GABRB1: variants seen among roughly 807,000 people sequenced by gnomAD.
GABRB1 encodes the protein gamma-aminobutyric acid receptor subunit beta-1.
Under a neutral mutation model 51.6 loss-of-function variants are expected in GABRB1, and 17 were observed. That is an observed-to-expected ratio of 0.33 (90% CI 0.23 to 0.49). The LOEUF is 0.49. GABRB1 is among the 20% of genes least tolerant of loss of function. The probability of loss-of-function intolerance (pLI) is 0.99; values close to 1 mark genes in which losing one functional copy is unlikely to be tolerated. For synonymous variants in GABRB1, 247 were observed against 218.9 expected (o/e 1.13, Z -1.14); for missense variants, 410 against 600.6 (o/e 0.68, Z 3.32).
At chr4:47,137,855 G>T (rs959545098) in intron 3 of GABRB1, among the ~76,000 whole-genome samples, 4 of 152,004 alleles carry the variant, frequency 2.6e-5, no homozygotes, top group Non-Finnish European at 5.9e-5. Flanking sequence ...AATTCAATTT[G>T]TTCCCATCCA....
At chr4:47,390,754 G>T (rs1245645595) in intron 5 of GABRB1, among the ~76,000 whole-genome samples, 3 of 152,204 alleles carry the variant, frequency 2.0e-5, no homozygotes, top group Non-Finnish European at 4.4e-5. Context: ...TGAGTAAATT[G>T]ATGTTCTCAC....
chr4:47,095,252 A>G (rs1166249431), intron 3 of GABRB1, among the ~76,000 whole-genome samples: 4 of 151,934 alleles, frequency 2.6e-5, no homozygotes, highest in Non-Finnish European at 5.9e-5. Flanking sequence ...CAAATGCAAT[A>G]GAGTTGCCAG....
intron 3 of GABRB1, among the ~76,000 whole-genome samples, chr4:47,080,309 AAAG>A (rs972264787): frequency 6.6e-6 from 1 of 151,746 alleles, no homozygotes; most frequent in African/African-American, 2.4e-5. Context: ...AAAAAAAAAA[AAAG>A]AAGTAGGGTC....
chr4:47,011,112 G>A, intron 1 of GABRB1, among the ~76,000 whole-genome samples: 1 of 152,162 alleles, frequency 6.6e-6, no homozygotes, highest in East Asian at 1.9e-4. Flanking sequence ...AGTTTCAATG[G>A]TAGATGAAAT....
chr4:47,141,250 G>A (rs542795853), intron 3 of GABRB1, among the ~76,000 whole-genome samples: 3 of 152,016 alleles, frequency 2.0e-5, no homozygotes, highest in South Asian at 2.1e-4. Flanking sequence ...ATTTCTCATC[G>A]TTGTTCCCGT....
chr4:47,166,689 T>G (rs757954685), intron 4 of GABRB1, among the ~76,000 whole-genome samples: 1 of 152,082 alleles, frequency 6.6e-6, no homozygotes, highest in Admixed American at 6.6e-5. Context: ...TAAGAGCCCT[T>G]AATCCCTACA....
At chr4:47,046,186 T>G (rs1726077123) in intron 3 of GABRB1, among the ~76,000 whole-genome samples, 1 of 152,108 alleles carries the variant, frequency 6.6e-6, no homozygotes, top group African/African-American at 2.4e-5. Context: ...TGTGGAACTG[T>G]GAGTCAATTA....
chr4:47,165,024 G>A (rs1718114297), intron 4 of GABRB1, among the ~76,000 whole-genome samples: 2 of 152,070 alleles, frequency 1.3e-5, no homozygotes, highest in South Asian at 4.1e-4. Context: ...GAACGTCCAT[G>A]ATGTGCCGTA....
intron 4 of GABRB1, among the ~76,000 whole-genome samples, chr4:47,216,571 T>C (rs1489144974): frequency 6.6e-6 from 1 of 151,896 alleles, no homozygotes; most frequent in African/African-American, 2.4e-5. Context: ...TGGTTCAGAT[T>C]AGTATATAGG....
chr4:47,361,518 G>A (rs1446552242), intron 5 of GABRB1, among the ~76,000 whole-genome samples: 1 of 152,054 alleles, frequency 6.6e-6, no homozygotes, highest in Non-Finnish European at 1.5e-5. Flanking sequence ...TTAGGCAAGA[G>A]GTAAAGTGAA....
chr4:47,250,703 T>A (rs1288252518), intron 4 of GABRB1, among the ~76,000 whole-genome samples: 1 of 152,226 alleles, frequency 6.6e-6, no homozygotes, highest in African/African-American at 2.4e-5. Context: ...AAACCTCGTC[T>A]TAGAGCTCTG....
chr4:47,295,694 A>G (rs1173579658), intron 4 of GABRB1, among the ~76,000 whole-genome samples: 1 of 152,232 alleles, frequency 6.6e-6, no homozygotes, highest in Non-Finnish European at 1.5e-5. Context: ...GCAGGATATT[A>G]TCCAGGAGAA....
rs540007687 is a variant in GABRB1, at chr4:47,108,958, G to A, written c.241-52291G>A. 5.3e-5 allele frequency among the ~76,000 whole-genome samples: 8 copies of A among 152,202 alleles called. No individual in the cohort carries two copies. The South Asian group carries it at 1.7e-3, about 32-fold the overall frequency. On this transcript the variant is annotated intron_variant, in intron 3 of 8. Coordinates refer to ENST00000295454, the MANE Select transcript of GABRB1 (RefSeq NM_000812.4). ...TTTTATAGAAAGTTTGCTTCCCGAG[G>A]TGAAGTGAGTGAGAGAATTACTTAT...
chr4:47,117,306 T>C (rs1440931367), intron 3 of GABRB1, among the ~76,000 whole-genome samples: 1 of 152,190 alleles, frequency 6.6e-6, no homozygotes, highest in African/African-American at 2.4e-5. Context: ...AAAATCCCTA[T>C]ATAATATGCA....
intron 7 of GABRB1, among the ~76,000 whole-genome samples, chr4:47,405,725 A>G (rs889999370): frequency 6.6e-6 from 1 of 152,162 alleles, no homozygotes; most frequent in East Asian, 1.9e-4. Flanking sequence ...ACTGTACAAC[A>G]CTATACAAAT....
chr4:47,117,926 A>G (rs1715578791), intron 3 of GABRB1, among the ~76,000 whole-genome samples: 1 of 152,188 alleles, frequency 6.6e-6, no homozygotes, highest in African/African-American at 2.4e-5. Context: ...GTCATTTGTT[A>G]CATAGGCTTT....
chr4:47,189,085 T>C lies in GABRB1; in HGVS notation c.461+27616T>C, dbSNP rs1320194666. ...AAAGGGCCACAAAGCAATAGGAGCC[T>C]AGGTCTTCCAAGGAAGATTAAGAAA... On this transcript the variant is annotated intron_variant, in intron 4 of 8. Transcript: ENST00000295454. 2.6e-5 allele frequency among the ~76,000 whole-genome samples: 4 copies of C among 151,956 alleles called. No homozygotes were observed. The East Asian group carries it at 7.7e-4, about 29-fold the overall frequency.
chr4:47,073,423 T>C (rs988871386), intron 3 of GABRB1, among the ~76,000 whole-genome samples: 2 of 152,218 alleles, frequency 1.3e-5, no homozygotes, highest in South Asian at 4.1e-4. Context: ...AGCCACTTCC[T>C]AATGCTATAA....
chr4:47,267,691 A>C (rs1278623184), intron 4 of GABRB1, among the ~76,000 whole-genome samples: 1 of 152,168 alleles, frequency 6.6e-6, no homozygotes, highest in African/African-American at 2.4e-5. Flanking sequence ...GCTACTCAGA[A>C]GGCTGAGGCA....
Sources: gnomAD v4.1 joint callset for allele counts (sites outside exome capture counted in the v4.1 genomes callset) on GRCh38, gnomAD v4.1.1 for gene constraint, MANE v1.5 for transcripts, NCBI Gene and HGNC (gene_info 2026-07-23, HGNC 2026-07-21) for gene names.